LRCH3: variants seen among roughly 807,000 people sequenced by gnomAD.
The protein encoded by LRCH3 is DISP complex protein LRCH3.
A neutral mutation model predicts 104.5 loss-of-function variants in LRCH3; 68 were observed. That is an observed-to-expected ratio of 0.65 (90% CI 0.54 to 0.80). The LOEUF is 0.80. LRCH3 is among the 30% of genes least tolerant of loss of function. LRCH3 has a pLI of 0.00. For synonymous variants in LRCH3, 344 were observed against 361.3 expected, an observed-to-expected ratio of 0.95 and a Z score of 0.54; for missense variants, 951 against 953.9, an observed-to-expected ratio of 1.00 and a Z score of 0.04.
At chr3:197,878,506 G>A (rs1713165785) in intron 20 of LRCH3, among the ~76,000 whole-genome samples, 1 of 152,084 alleles carries the variant, frequency 6.6e-6, no homozygotes, top group Non-Finnish European at 1.5e-5. Context: ...GAGTGGTTAG[G>A]CTGAGGTTTT....
At chr3:197,862,136 C>T (rs1740955343) in intron 15 of LRCH3, among the ~76,000 whole-genome samples, 1 of 152,172 alleles carries the variant, frequency 6.6e-6, no homozygotes, top group South Asian at 2.1e-4. Flanking sequence ...GCTGCGATTA[C>T]AGGCGCATGC....
At position 197,885,966 on chromosome 3, in the gene LRCH3, C is replaced by T. The variant is rs978834653; in HGVS notation, c.*2300C>T. 1.3e-5 allele frequency: 2 copies of T among 152,134 alleles called. No homozygotes were observed. Among genetic ancestry groups the T allele is most frequent in the Admixed American group, 1.3e-4 (2 of 15,280 alleles). 9.4% of individuals were successfully genotyped at this position (152,134 alleles called of 1,614,324 possible). On this transcript the variant is annotated 3_prime_UTR_variant, in exon 21 of 21. Coordinates refer to ENST00000425562, the MANE Select transcript of LRCH3 (RefSeq NM_001365715.1). The stretch of plus-strand genomic sequence containing the variant: ...GCTTTGGATCAAATCATGTTGAATA[C>T]CTGGTCAAAGTAATGTTTTCTTCCT...
chr3:197,867,095 C>T (rs941819207), intron 17 of LRCH3, among the ~76,000 whole-genome samples: 7 of 152,000 alleles, frequency 4.6e-5, no homozygotes, highest in East Asian at 1.9e-4. Context: ...GCCAACATGG[C>T]GAAACCCCGT....
chr3:197,880,705 C>T (rs910074035), intron 20 of LRCH3: 56 of 1,536,600 alleles, frequency 3.6e-5, no homozygotes, highest in African/African-American at 5.5e-5. Flanking sequence ...TGGCTCTTCC[C>T]CGCTCGCTGA....
chr3:197,837,975 A>C (rs953656446), intron 9 of LRCH3, among the ~76,000 whole-genome samples: 1 of 151,710 alleles, frequency 6.6e-6, no homozygotes, highest in African/African-American at 2.4e-5. Flanking sequence ...CACGAGAGTC[A>C]CTTGAACCTG....
intron 4 of LRCH3, among the ~76,000 whole-genome samples, chr3:197,825,501 A>T (rs1415988479): frequency 8.1e-5 from 4 of 49,312 alleles, no homozygotes; most frequent in African/African-American, 2.8e-4. Context: ...TTTTTTTGAG[A>T]CAGAGTCTTG....
chr3:197,816,277 G>T lies in LRCH3; in HGVS notation c.408-899G>T, dbSNP rs992095477. 2.7e-4 allele frequency among the ~76,000 whole-genome samples: 40 copies of T among 150,454 alleles called. 1 individual carries two copies. The highest frequency in any genetic ancestry group is 5.0e-4 in the Non-Finnish European group (34 of 67,476). On this transcript the variant is annotated intron_variant, in intron 2 of 20. Coordinates refer to ENST00000425562, the MANE Select transcript of LRCH3 (RefSeq NM_001365715.1). ...ATTTTTATCTTGATAGATGTGGGTT[G>T]TTTTTTTTTCTTTTTCTTTTGAGAC... is the stretch of plus-strand genomic sequence containing the variant.
At chr3:197,801,597 C>T (rs1306895000) in intron 1 of LRCH3, among the ~76,000 whole-genome samples, 1 of 152,186 alleles carries the variant, frequency 6.6e-6, no homozygotes, top group South Asian at 2.1e-4. Flanking sequence ...TACCATCCCT[C>T]CTCCCCAGTT....
chr3:197,854,503 T>C lies in LRCH3; in HGVS notation c.1644+58T>C, dbSNP rs1740015905. 1 of 1,471,512 alleles carries C rather than the reference T, an allele frequency of 6.8e-7. No individual in the cohort carries two copies. Among genetic ancestry groups the C allele is most frequent in the East Asian group, 2.3e-5 (1 of 44,156 alleles). 91.2% of individuals were successfully genotyped at this position (1,471,512 alleles called of 1,614,324 possible). A position where few individuals can be genotyped will look rare whatever the true frequency, so the allele number is the denominator to read the frequency against. On this transcript the variant is annotated intron_variant, in intron 14 of 20. Transcript: ENST00000425562. This position sits in a 1 kb window ranked among gnomAD's most constrained non-coding sequence, Gnocchi z 4.5. ...TTCTGTGTTTAGAGATTGTACTTTT[T>C]ATTCAGAAACTATCTAAATACCATA... is the stretch of plus-strand genomic sequence containing the variant.
intron 1 of LRCH3, among the ~76,000 whole-genome samples, chr3:197,811,908 A>G (rs1733165624): frequency 6.6e-6 from 1 of 152,214 alleles, no homozygotes; most frequent in African/African-American, 2.4e-5. Flanking sequence ...GAGACATAAG[A>G]TATGGTTATT....
chr3:197,820,382 T>C lies in LRCH3; in HGVS notation c.592T>C (p.Leu198=). 6.2e-7 allele frequency: 1 copy of C among 1,612,906 alleles called. No homozygotes were observed. The highest frequency in any genetic ancestry group is 8.5e-7 in the Non-Finnish European group (1 of 1,178,918). ...IPSQIGNLEA[L]RDLNVRRNHL... is the part of the protein sequence containing the mutation. The stretch of plus-strand genomic sequence containing the variant: ...TTCCCAAATTGGTAACCTGGAGGCC[T>C]TGAGAGACCTTAATGTAAGAAGAAA... Residue 198 remains leucine (L), a synonymous_variant, in exon 4 of 21, where the codon TTG becomes CTG. Transcript: ENST00000425562.
chr3:197,799,871 TCAAAA>T (rs1345271808), intron 1 of LRCH3, among the ~76,000 whole-genome samples: 1 of 146,790 alleles, frequency 6.8e-6, no homozygotes, highest in Non-Finnish European at 1.5e-5. Flanking sequence ...AGACTCGCTC[TCAAAA>T]CAAAAACAAA....
chr3:197,865,615 C>T (rs948950085), intron 16 of LRCH3, 144 bp downstream of exon 16: 1 of 469,050 alleles, frequency 2.1e-6, no homozygotes, highest in African/African-American at 2.1e-5. Context: ...ATCCTCCTGC[C>T]TTGTTCTCCC....
chr3:197,791,613 A>G lies in LRCH3; in HGVS notation c.262+73A>G, dbSNP rs1730516346. 3 of 1,451,726 alleles carry G rather than the reference A, an allele frequency of 2.1e-6. No homozygotes were observed. In the South Asian group the frequency reaches 4.0e-5, roughly 19 times the overall value. The allele number at this position is 1,451,726 out of a possible 1,614,324, so 89.9% of individuals were successfully genotyped here. On this transcript the variant is annotated intron_variant, in intron 1 of 20. Transcript: ENST00000425562. ...GAGCCGCCCCGGCCGGGGGAGGCGG[A>G]TGCGGGGGAGTTACAGCAGCTCGTC...
chr3:197,835,229 G>A (rs925454353), intron 8 of LRCH3, among the ~76,000 whole-genome samples: 50 of 151,912 alleles, frequency 3.3e-4, no homozygotes, highest in African/African-American at 1.2e-3. Flanking sequence ...TGTCACCCAA[G>A]CTGGAGTGCA....
At chr3:197,813,146 T>C (rs1258598300) in intron 1 of LRCH3, among the ~76,000 whole-genome samples, 1 of 152,236 alleles carries the variant, frequency 6.6e-6, no homozygotes, top group Non-Finnish European at 1.5e-5. Context: ...TGTGAGGTAC[T>C]CTGATAGAGC....
At chr3:197,795,112 G>A (rs183611542) in intron 1 of LRCH3, among the ~76,000 whole-genome samples, 1 of 152,284 alleles carries the variant, frequency 6.6e-6, no homozygotes, top group East Asian at 1.9e-4. Context: ...CATCACAGAA[G>A]ACTTCTTGAA....
In LRCH3 at chr3:197,835,738, G is replaced by A; in HGVS notation, c.1167G>A (p.Glu389=). Residue 389 remains glutamate (E), a synonymous_variant, in exon 9 of 21, where the codon GAG becomes GAA. Transcript: ENST00000425562. Reference sequence around the variant, plus strand: ...GCACCGCAGAGGAAGAGGAGGCCGAGGTGAGACAGCCCAAGGGACCAGACC... The same window carrying A: ...GCACCGCAGAGGAAGAGGAGGCCGAAGTGAGACAGCCCAAGGGACCAGACC... The part of the protein sequence containing the change: ...DSCTAEEEEA[E]VRQPKGPDPD... 1 of 1,614,032 alleles carries A rather than the reference G, an allele frequency of 6.2e-7. No individual in the cohort carries two copies. The highest frequency in any genetic ancestry group is 1.3e-5 in the African/African-American group (1 of 74,990).
At chr3:197,838,434 CTTGGAGGTAGATGCTA>C (rs1737235117) in intron 9 of LRCH3, among the ~76,000 whole-genome samples, 1 of 143,622 alleles carries the variant, frequency 7.0e-6, no homozygotes, top group African/African-American at 2.9e-5. Flanking sequence ...ATACCTGTTT[CTTGGAGGTAGATGCTA>C]TTTCTTGGAA....
Sources: allele counts gnomAD v4.1 joint callset (sites outside exome capture counted in the v4.1 genomes callset), GRCh38; gene constraint gnomAD v4.1.1; non-coding constraint Gnocchi (gnomAD v3.1); transcripts MANE v1.5; gene names NCBI Gene and HGNC (gene_info 2026-07-23, HGNC 2026-07-21).